The following EYA4 variants were observed in gnomAD, a reference collection of about 807,000 sequenced individuals.
The protein encoded by EYA4 is protein phosphatase EYA4.
Under a neutral mutation model 87.9 loss-of-function variants are expected in EYA4, and 31 were observed. That is an observed-to-expected ratio of 0.35 (90% CI 0.27 to 0.48). The LOEUF (loss-of-function observed/expected upper bound fraction) is 0.48. EYA4 is among the 20% of genes least tolerant of loss of function. The pLI, the probability that EYA4 is intolerant of heterozygous loss-of-function variation, is 0.99. For missense variants in EYA4, 678 were observed against 761.4 expected, an observed-to-expected ratio of 0.89 and a Z score of 1.29; for synonymous variants, 263 against 270.6, an observed-to-expected ratio of 0.97 and a Z score of 0.28.
At chr6:133,367,836 T>A (rs1784971754) in intron 2 of EYA4, among the ~76,000 whole-genome samples, 1 of 152,210 alleles carries the variant, frequency 6.6e-6, no homozygotes, top group Admixed American at 6.5e-5. Context: ...TGCTATGTGC[T>A]TGGTTTTAAA....
At chr6:133,410,011 TAG>T (rs1789068740) in intron 3 of EYA4, among the ~76,000 whole-genome samples, 1 of 152,162 alleles carries the variant, frequency 6.6e-6, no homozygotes, top group African/African-American at 2.4e-5. Context: ...ATTTAAAAAA[TAG>T]AGTTATTAAG....
chr6:133,318,115 T>C (rs1582939620), intron 2 of EYA4, among the ~76,000 whole-genome samples: 1 of 152,248 alleles, frequency 6.6e-6, no homozygotes, highest in Non-Finnish European at 1.5e-5. Flanking sequence ...ATGGAAATGA[T>C]GTCCTAGTGC....
At chr6:133,380,614 G>A (rs969303352) in intron 2 of EYA4, among the ~76,000 whole-genome samples, 2 of 152,060 alleles carry the variant, frequency 1.3e-5, no homozygotes, top group African/African-American at 4.8e-5. Flanking sequence ...GTATTCATTG[G>A]GCAGTTCATA....
intron 14 of EYA4, 89 bp from the exon 15 acceptor site, chr6:133,512,632 G>A (rs1223600846): frequency 4.1e-6 from 4 of 976,970 alleles, no homozygotes; most frequent in Non-Finnish European, 6.7e-6. Context: ...TCTGGTGGTA[G>A]TCTGATCAGA....
In EYA4 at chr6:133,530,416, T is replaced by C; in HGVS notation, c.*1611T>C. 1 of 985,380 alleles carries C rather than the reference T, an allele frequency of 1.0e-6. No individual in the cohort carries two copies. Among genetic ancestry groups the C allele is most frequent in the Non-Finnish European group, 1.2e-6 (1 of 829,822 alleles). 61.0% of individuals were successfully genotyped at this position (985,380 alleles called of 1,614,324 possible). On this transcript the variant is annotated 3_prime_UTR_variant, in exon 20 of 20. Transcript: ENST00000355286. ...ATTTCCTATGACACGATTTCCCTTG[T>C]GGAAATTTAAGACTTTAAGAACTAG...
At chr6:133,507,440 T>C (rs1440234613) in intron 14 of EYA4, 1 of 152,122 alleles carries the variant, frequency 6.6e-6, no homozygotes, top group Non-Finnish European at 1.5e-5. Flanking sequence ...GTTTGTTACA[T>C]AGATATACAC....
intron 1 of EYA4, among the ~76,000 whole-genome samples, chr6:133,252,993 A>ACTCTCT (rs150275940): frequency 0.021 from 2,908 of 141,634 alleles, 61 homozygotes; most frequent in East Asian, 0.029. Flanking sequence ...ACACACACTC[A>ACTCTCT]CTCTCTCTCT....
At chr6:133,525,388 G>A (rs1800552594) in intron 19 of EYA4, 134 bp downstream of exon 19, 4 of 769,962 alleles carry the variant, frequency 5.2e-6, no homozygotes, top group South Asian at 4.4e-5. Context: ...AGCATGAGAG[G>A]GTCAATACTT....
intron 2 of EYA4, among the ~76,000 whole-genome samples, chr6:133,293,168 A>G (rs1227999339): frequency 1.3e-5 from 2 of 152,120 alleles, no homozygotes; most frequent in African/African-American, 4.8e-5. Flanking sequence ...TTTTGCAGAA[A>G]TTTAGCTGTC....
chr6:133,510,563 G>T (rs2128774132), intron 14 of EYA4: 1 of 238,912 alleles, frequency 4.2e-6, no homozygotes, highest in Admixed American at 4.8e-5. Context: ...TACTATCATT[G>T]CTTGCAATGC....
chr6:133,344,523 A>C (rs182117556), intron 2 of EYA4, among the ~76,000 whole-genome samples: 1 of 152,272 alleles, frequency 6.6e-6, no homozygotes, highest in East Asian at 1.9e-4. Context: ...GATATATTTG[A>C]TATGGTCCAT....
At chr6:133,503,355 T>C (rs1433846797) in intron 13 of EYA4, among the ~76,000 whole-genome samples, 1 of 152,248 alleles carries the variant, frequency 6.6e-6, no homozygotes, top group Non-Finnish European at 1.5e-5. Context: ...TCAATAATGG[T>C]ATTTAAAACT....
Position 133,446,761 on chromosome 6 carries a change from G to A in EYA4, c.208+7G>A, listed in dbSNP as rs1792885399. ...ACTACAAATGGGACAGGAGGTAAGT[G>A]TACTACCCTGAAGATACCCAGAATC... On this transcript the variant is annotated splice_region_variant and intron_variant, in intron 4 of 19. Coordinates refer to ENST00000355286, the MANE Select transcript of EYA4 (RefSeq NM_004100.5). 1 of 1,613,576 alleles carries A rather than the reference G, an allele frequency of 6.2e-7. No homozygotes were observed.
chr6:133,454,049 G>T (rs1214067323), intron 5 of EYA4, among the ~76,000 whole-genome samples: 1 of 151,946 alleles, frequency 6.6e-6, no homozygotes, highest in East Asian at 1.9e-4. Context: ...TTTGAAATTG[G>T]GTCTCAAAGT....
intron 2 of EYA4, among the ~76,000 whole-genome samples, chr6:133,347,206 A>G (rs528052062): frequency 3.9e-5 from 6 of 152,226 alleles, no homozygotes; most frequent in Admixed American, 3.9e-4. Context: ...CTAAATTCAC[A>G]TGGACTTCTG....
At chr6:133,458,952 A>G (rs1358689455) in intron 6 of EYA4, among the ~76,000 whole-genome samples, 1 of 152,166 alleles carries the variant, frequency 6.6e-6, no homozygotes, top group Non-Finnish European at 1.5e-5. Flanking sequence ...GTTTATGATT[A>G]ATCAGATGAC....
At chr6:133,493,394 G>A (rs1256861860) in intron 13 of EYA4, among the ~76,000 whole-genome samples, 1 of 152,168 alleles carries the variant, frequency 6.6e-6, no homozygotes, top group Non-Finnish European at 1.5e-5. Flanking sequence ...AGATCCACGT[G>A]AAGAAGAACG....
At chr6:133,367,737 A>C (rs181664377) in intron 2 of EYA4, among the ~76,000 whole-genome samples, 1 of 152,164 alleles carries the variant, frequency 6.6e-6, no homozygotes, top group African/African-American at 2.4e-5. Context: ...GTTTTTAAGA[A>C]TATCCAGTTC....
chr6:133,528,697 C>G (rs377348937), intron 19 of EYA4, 28 bp from the exon 20 acceptor site: 1 of 1,489,302 alleles, frequency 6.7e-7, no homozygotes, highest in Admixed American at 1.7e-5. Context: ...CCTTCTCTCT[C>G]CCATCCCTCC....
Sources: allele counts gnomAD v4.1 joint callset (sites outside exome capture counted in the v4.1 genomes callset), GRCh38; gene constraint gnomAD v4.1.1; transcripts MANE v1.5; gene names NCBI Gene and HGNC (gene_info 2026-07-23, HGNC 2026-07-21).